The following ICA1 variants were observed in gnomAD, a reference collection of about 807,000 sequenced individuals.
ICA1 encodes islet cell autoantigen 1, also known as 69 kDa islet cell autoantigen.
A neutral mutation model predicts 71.0 loss-of-function variants in ICA1; 40 were observed. The observed-to-expected ratio is 0.56, with a 90% CI of 0.44 to 0.73. The LOEUF (loss-of-function observed/expected upper bound fraction) is 0.73. ICA1 is among the 30% of genes least tolerant of loss of function. The pLI is 0.00. For synonymous variants in ICA1, 207 were observed against 209.5 expected, an observed-to-expected ratio of 0.99 and a Z score of 0.10; for missense variants, 578 against 576.5, an observed-to-expected ratio of 1.00 and a Z score of -0.03.
intron 13 of ICA1, among the ~76,000 whole-genome samples, chr7:8,125,289 C>G (rs553428447): frequency 6.6e-6 from 1 of 152,218 alleles, no homozygotes; most frequent in Non-Finnish European, 1.5e-5. Flanking sequence ...GCCTGGCCTC[C>G]GCCTCTGCAT....
rs1185716631 is a variant in ICA1 at position 8,234,224 on chromosome 7, G to T, written c.18-1469C>A. On this transcript the variant is annotated intron_variant, in intron 2 of 13. Coordinates refer to ENST00000402384, the MANE Select transcript of ICA1 (RefSeq NM_001136020.3). This position sits in a 1 kb window ranked among gnomAD's most constrained non-coding sequence, Gnocchi z 4.5. ...GGGCGAGACCCTGTCCCTCAAAAAA[G>T]AAAAAAGAGAAGAAAAAAGAGAAAA... is the stretch of plus-strand genomic sequence containing the variant. Among the ~76,000 whole-genome samples, 1 of 151,676 alleles carries T rather than the reference G, an allele frequency of 6.6e-6. No homozygotes were observed. Among genetic ancestry groups the T allele is most frequent in the Non-Finnish European group, 1.5e-5 (1 of 67,882 alleles).
intron 1 of ICA1, among the ~76,000 whole-genome samples, chr7:8,260,249 T>C (rs1811775703): frequency 6.6e-6 from 1 of 152,206 alleles, no homozygotes; most frequent in Non-Finnish European, 1.5e-5. Flanking sequence ...TTTAGTCAAA[T>C]ACCTTGAAAA....
intron 4 of ICA1, among the ~76,000 whole-genome samples, chr7:8,224,488 A>G (rs1798038031): frequency 6.6e-6 from 1 of 152,220 alleles, no homozygotes; most frequent in Non-Finnish European, 1.5e-5. Flanking sequence ...AAATAATGAT[A>G]GACTTACAGA....
chr7:8,256,131 G>T (rs1030325234), intron 1 of ICA1, among the ~76,000 whole-genome samples: 1 of 152,230 alleles, frequency 6.6e-6, no homozygotes, highest in African/African-American at 2.4e-5. Flanking sequence ...CTTAAAAAGC[G>T]ATTGAATGCA....
intron 13 of ICA1, 103 bp from the exon 14 acceptor site, chr7:8,114,147 C>G: frequency 7.9e-7 from 1 of 1,261,700 alleles, no homozygotes; most frequent in Non-Finnish European, 1.1e-6. Flanking sequence ...GCAGATTGTT[C>G]AATCAGACAA....
intron 9 of ICA1, 68 bp downstream of exon 9, chr7:8,143,807 G>T (rs562909618): frequency 2.0e-6 from 2 of 1,009,444 alleles, no homozygotes; most frequent in Admixed American, 3.8e-5. Flanking sequence ...GCCAGGTTCG[G>T]TCAGCGAGAA....
chr7:8,121,435 C>T (rs1342242098), intron 13 of ICA1, among the ~76,000 whole-genome samples: 1 of 152,202 alleles, frequency 6.6e-6, no homozygotes, highest in East Asian at 1.9e-4. Flanking sequence ...AGAATGAGAT[C>T]CTGTCATTTG....
chr7:8,149,751 C>G (rs529088581), intron 8 of ICA1, among the ~76,000 whole-genome samples: 1 of 152,174 alleles, frequency 6.6e-6, no homozygotes, highest in South Asian at 2.1e-4. Context: ...ATATTGTATA[C>G]ATATGAAGGT....
chr7:8,175,958 A>AG (rs1382510934), intron 6 of ICA1, among the ~76,000 whole-genome samples: 4 of 152,114 alleles, frequency 2.6e-5, no homozygotes, highest in Admixed American at 1.3e-4. Flanking sequence ...GGTTCCATGG[A>AG]CGGCAAAGGG....
intron 1 of ICA1, among the ~76,000 whole-genome samples, chr7:8,247,239 C>T (rs139688706): frequency 2.0e-5 from 3 of 152,180 alleles, no homozygotes; most frequent in Non-Finnish European, 4.4e-5. Context: ...AACGCTTGAG[C>T]CCAGGAGTTT....
chr7:8,241,171 T>C (rs987411272), intron 1 of ICA1, among the ~76,000 whole-genome samples: 3 of 152,076 alleles, frequency 2.0e-5, no homozygotes, highest in Admixed American at 6.6e-5. Context: ...GAGAGAAAGG[T>C]TGGGTTACCC....
chr7:8,175,919 T>C (rs1780478497), intron 6 of ICA1, among the ~76,000 whole-genome samples: 2 of 152,202 alleles, frequency 1.3e-5, no homozygotes, highest in Non-Finnish European at 2.9e-5. Context: ...CTCCCTTGTT[T>C]ATCCCCCGCT....
chr7:8,228,334 CTG>C (rs1452822022), intron 4 of ICA1, among the ~76,000 whole-genome samples: 1 of 152,046 alleles, frequency 6.6e-6, no homozygotes, highest in Non-Finnish European at 1.5e-5. Flanking sequence ...AAGATACAAA[CTG>C]AGAAAACTCT....
At chr7:8,157,345 C>T (rs1801995743) in intron 7 of ICA1, 131 bp from the exon 8 acceptor site, 1 of 916,074 alleles carries the variant, frequency 1.1e-6, no homozygotes, top group Admixed American at 3.1e-5. Context: ...CCATGCTTCC[C>T]ATTATGCCCC....
At chr7:8,216,584 C>CAAAAAAAAAAAAAAAAAAAAAAAAAAA (rs142208758) in intron 6 of ICA1, among the ~76,000 whole-genome samples, 3 of 143,662 alleles carry the variant, frequency 2.1e-5, no homozygotes, top group Admixed American at 1.4e-4. Flanking sequence ...AAAACAAAAC[C>CAAAAAAAAAAAAAAAAAAAAAAAAAAA]AAAAAAAAAA....
intron 6 of ICA1, among the ~76,000 whole-genome samples, chr7:8,203,711 G>C (rs1176777282): frequency 6.6e-6 from 1 of 152,210 alleles, no homozygotes; most frequent in East Asian, 1.9e-4. Flanking sequence ...AATGTCTGCA[G>C]GGGGCCTGTT....
Position 8,202,952 on chromosome 7 carries a change from T to A in ICA1, c.579+15353A>T, listed in dbSNP as rs571079206. Among the ~76,000 whole-genome samples, 5 of 152,328 alleles carry A rather than the reference T, an allele frequency of 3.3e-5. No homozygotes were observed. The South Asian group carries it at 1.0e-3, about 32-fold the overall frequency. On this transcript the variant is annotated intron_variant, in intron 6 of 13. Transcript: ENST00000402384. ...TAACATGCATATCAGGACAGGACAG[T>A]GTCAGAGTGCTCCTGGCAAATTCCT...
At chr7:8,214,537 A>C (rs568383271) in intron 6 of ICA1, among the ~76,000 whole-genome samples, 12 of 151,974 alleles carry the variant, frequency 7.9e-5, no homozygotes, top group Non-Finnish European at 1.5e-4. Flanking sequence ...GTGCAGCCAC[A>C]CTCTCCAGGT....
At chr7:8,262,190 G>C (rs1322041495), upstream of ICA1, 2 of 152,214 alleles carry the variant, frequency 1.3e-5, no homozygotes, top group Non-Finnish European at 2.9e-5. Context: ...CGAGGGAAAG[G>C]GGCGGGGGGA....
Sources: gnomAD v4.1 joint callset for allele counts (sites outside exome capture counted in the v4.1 genomes callset) on GRCh38, gnomAD v4.1.1 for gene constraint, Gnocchi (gnomAD v3.1) non-coding constraint, MANE v1.5 for transcripts, NCBI Gene and HGNC (gene_info 2026-07-23, HGNC 2026-07-21) for gene names.